Variants in DMD observed in about 807,000 individuals in gnomAD.
DMD encodes dystrophin.
A neutral mutation model predicts 330.1 loss-of-function variants in DMD; 63 were observed. The ratio of observed to expected loss-of-function variants is 0.19; its 90% CI spans 0.16 to 0.24. The LOEUF is 0.24. Among genes scored for constraint, DMD ranks in the 10% least tolerant of loss-of-function variants. The pLI is 1.00. For missense variants in DMD, 3,344 were observed against 2,684.1 expected (o/e 1.25, Z -5.43); for synonymous variants, 1,223 against 959.8 (o/e 1.27, Z -5.07).
intron 54 of DMD, among the ~76,000 whole-genome samples, chrX:31,652,653 G>C (rs2080527322): frequency 9.0e-6 from 1 of 111,587 alleles, no homozygotes; most frequent in South Asian, 3.7e-4. Flanking sequence ...ATAAAGTTTT[G>C]ATTAGCAGAG....
At chrX:31,801,281 A>T (rs1569428238) in intron 50 of DMD, among the ~76,000 whole-genome samples, 1 of 111,562 alleles carries the variant, frequency 9.0e-6, no homozygotes, top group Non-Finnish European at 1.9e-5. Flanking sequence ...CCAGATGCTT[A>T]TAAAACCATC....
chrX:32,269,980 C>A (rs1042015635), intron 43 of DMD, among the ~76,000 whole-genome samples: 1 of 112,103 alleles, frequency 8.9e-6, no homozygotes, highest in Non-Finnish European at 1.9e-5. Flanking sequence ...TACTTATTTA[C>A]CACAGCTAGA....
At chrX:31,588,872 G>GTTTT (rs58845554) in intron 55 of DMD, among the ~76,000 whole-genome samples, 4 of 77,537 alleles carry the variant, frequency 5.2e-5, no homozygotes, top group African/African-American at 1.9e-4. Context: ...CAAAGTCTAT[G>GTTTT]TTTTTTTTTT....
chrX:32,283,214 C>T (rs1354146746), intron 43 of DMD, among the ~76,000 whole-genome samples: 1 of 111,604 alleles, frequency 9.0e-6, no homozygotes. Context: ...CAGAGCTTCC[C>T]GGCCAAGCCC....
At chrX:32,312,942 C>CA (rs767993498) in intron 41 of DMD, among the ~76,000 whole-genome samples, 1,496 of 20,256 alleles carry the variant, frequency 0.074, 172 homozygotes, top group African/African-American at 0.14. Context: ...GCCTACGAAC[C>CA]AAAAAAAAAA....
chrX:31,384,439 C>G (rs1198547002), intron 60 of DMD, among the ~76,000 whole-genome samples: 3 of 111,250 alleles, frequency 2.7e-5, no homozygotes, highest in African/African-American at 9.8e-5. Flanking sequence ...GAACAGGGAC[C>G]TGTGGAATAT....
rs918198867 is a variant in DMD at position 32,809,545 on chromosome X, T to G, written c.597A>C (p.Ala199=). ...CTAATTGATATCTGGCGATGTTGAA[T>G]GCATGTTCCAGTCGTTGTGTGGCTG... ...QQSATQRLEH[A]FNIARYQLGI... is the part of the protein sequence containing the mutation. Residue 199 remains alanine (A), a synonymous_variant, in exon 7 of 79, where the codon GCA becomes GCC. Coordinates refer to ENST00000357033, the MANE Select transcript of DMD (RefSeq NM_004006.3). 8.3e-7 allele frequency: 1 copy of G among 1,209,334 alleles called. No homozygotes were observed. The highest frequency in any genetic ancestry group is 1.8e-5 in the African/African-American group (1 of 56,982).
chrX:32,375,065 G>A (rs1169097022), intron 34 of DMD, among the ~76,000 whole-genome samples: 1 of 110,786 alleles, frequency 9.0e-6, no homozygotes, highest in East Asian at 2.8e-4. Flanking sequence ...CTTAAGGATA[G>A]AACAGCACTG....
In DMD at chrX:31,216,947, A is replaced by G. The variant is rs142418346; in HGVS notation, c.9361+6100T>C. 3.4e-3 allele frequency among the ~76,000 whole-genome samples: 379 copies of G among 112,029 alleles called. 6 individuals carry two copies. The East Asian group carries it at 0.061, about 18-fold the overall frequency. On this transcript the variant is annotated intron_variant, in intron 64 of 78. Coordinates refer to ENST00000357033, the MANE Select transcript of DMD (RefSeq NM_004006.3). The stretch of plus-strand genomic sequence containing the variant: ...TTCTCTATTTCTTACTGTTTGCAGA[A>G]TATTTGTCACACTTATCAACTGCAG...
chrX:32,141,709 AC>A (rs2096754662), intron 44 of DMD, among the ~76,000 whole-genome samples: 1 of 107,607 alleles, frequency 9.3e-6, no homozygotes, highest in Non-Finnish European at 1.9e-5. Context: ...ACACACACAC[AC>A]ACACACACAC....
At chrX:32,461,173 AC>A (rs1286027958) in intron 25 of DMD, among the ~76,000 whole-genome samples, 2 of 111,853 alleles carry the variant, frequency 1.8e-5, no homozygotes, top group East Asian at 5.7e-4. Flanking sequence ...ATTATCTTTA[AC>A]CCAAAAGAGT....
In DMD at chrX:32,775,678, C is replaced by G. The variant is rs953820039; in HGVS notation, c.649+33815G>C. Among the ~76,000 whole-genome samples, 9 of 113,088 alleles carry G rather than the reference C, an allele frequency of 8.0e-5. No homozygotes were observed. The East Asian group carries it at 1.7e-3, about 21-fold the overall frequency. On this transcript the variant is annotated intron_variant, in intron 7 of 78. Transcript: ENST00000357033. ...TGCACAGAGCAGTGGGGCCTTGGGC[C>G]TGGCCCACCAAACCATTTTTCCCTT...
chrX:32,518,672 C>T (rs2068234624), intron 17 of DMD, among the ~76,000 whole-genome samples: 1 of 110,646 alleles, frequency 9.0e-6, no homozygotes, highest in Non-Finnish European at 1.9e-5. Context: ...TCTGAGAAGA[C>T]AACAATTATA....
At chrX:32,633,953 A>G (rs913243472) in intron 11 of DMD, among the ~76,000 whole-genome samples, 1 of 111,800 alleles carries the variant, frequency 8.9e-6, no homozygotes, top group African/African-American at 3.3e-5. Context: ...AACACTGCAG[A>G]TTACTACAAT....
intron 9 of DMD, among the ~76,000 whole-genome samples, chrX:32,654,921 C>A (rs1182410972): frequency 8.9e-6 from 1 of 111,831 alleles, no homozygotes; most frequent in Non-Finnish European, 1.9e-5. Flanking sequence ...TCTAGATTTT[C>A]TAGTTTATTT....
chrX:32,600,632 C>G (rs766566147), intron 12 of DMD, among the ~76,000 whole-genome samples: 1 of 106,469 alleles, frequency 9.4e-6, no homozygotes, highest in Non-Finnish European at 1.9e-5. Context: ...ACAAAACACA[C>G]CCCTAGAAAC....
intron 55 of DMD, among the ~76,000 whole-genome samples, chrX:31,516,819 T>G (rs892951042): frequency 6.3e-5 from 7 of 111,823 alleles, no homozygotes; most frequent in African/African-American, 2.3e-4. Context: ...GGGATATGCT[T>G]TCTTGCCTCA....
intron 44 of DMD, among the ~76,000 whole-genome samples, chrX:32,001,391 T>A (rs950692976): frequency 2.7e-5 from 3 of 110,794 alleles, no homozygotes; most frequent in Admixed American, 9.6e-5. Context: ...GAAACAACAA[T>A]AAAAATATTT....
chrX:31,266,271 C>G (rs140609300), intron 62 of DMD, among the ~76,000 whole-genome samples: 337 of 105,675 alleles, frequency 3.2e-3, no homozygotes, highest in African/African-American at 0.011. Flanking sequence ...TTCTGCAGGT[C>G]TTGGGGCATG....
Sources: gnomAD v4.1 joint callset for allele counts (sites outside exome capture counted in the v4.1 genomes callset) on GRCh38, gnomAD v4.1.1 for gene constraint, MANE v1.5 for transcripts, NCBI Gene and HGNC (gene_info 2026-07-23, HGNC 2026-07-21) for gene names.